The following KCNG3 variants were observed in gnomAD, a reference collection of about 807,000 sequenced individuals.
KCNG3 encodes the protein voltage-gated potassium channel regulatory subunit KCNG3.
Under a neutral mutation model 29.0 loss-of-function variants are expected in KCNG3, and 15 were observed. The ratio of observed to expected loss-of-function variants is 0.52; its 90% CI spans 0.35 to 0.80. KCNG3 has a LOEUF of 0.80. KCNG3 is among the 30% of genes least tolerant of loss of function. The pLI, the probability that KCNG3 is intolerant of heterozygous loss-of-function variation, is 0.01. For synonymous variants in KCNG3, 322 were observed against 248.9 expected, an observed-to-expected ratio of 1.29 and a Z score of -2.76; for missense variants, 512 against 605.7, an observed-to-expected ratio of 0.85 and a Z score of 1.62.
Position 42,448,552 on chromosome 2 carries a change from G to A in KCNG3, c.666-3973C>T, listed in dbSNP as rs573735526. Among the ~76,000 whole-genome samples the A allele has an allele frequency of 9.9e-5, 15 of 151,912 alleles. No homozygotes were observed. The South Asian group carries it at 2.1e-3, about 21-fold the overall frequency. The stretch of plus-strand genomic sequence containing the variant: ...GAACTTCACTCAGGTATATCTGATC[G>A]ATCCATTCTATCTTATACTATGCTA... On this transcript the variant is annotated intron_variant, in intron 1 of 1. Transcript: ENST00000306078.
intron 1 of KCNG3, among the ~76,000 whole-genome samples, chr2:42,446,977 C>CA (rs1051326057): frequency 6.0e-5 from 9 of 150,788 alleles, no homozygotes; most frequent in Non-Finnish European, 1.5e-5. Context: ...CTCCTCTCTA[C>CA]AAAAAATGAG....
intron 1 of KCNG3, 118 bp downstream of exon 1, chr2:42,492,719 G>GT: frequency 1.2e-6 from 1 of 835,924 alleles, no homozygotes; most frequent in Non-Finnish European, 1.5e-6. Flanking sequence ...GGCCTCGCTG[G>GT]GCGCGCACCC....
intron 1 of KCNG3, among the ~76,000 whole-genome samples, chr2:42,462,234 C>CA (rs377351916): frequency 8.5e-5 from 13 of 152,058 alleles, no homozygotes; most frequent in African/African-American, 2.9e-4. Flanking sequence ...AGTGCAAGGG[C>CA]AAAAAAGCAC....
the KCNG3 span, among the ~76,000 whole-genome samples, chr2:42,394,452 G>C: frequency 1.3e-5 from 2 of 152,108 alleles, no homozygotes; most frequent in Non-Finnish European, 2.9e-5. Flanking sequence ...ACTTAGCTCA[G>C]GCCTTCTCTA....
chr2:42,488,870 T>C (rs543163248), intron 1 of KCNG3, among the ~76,000 whole-genome samples: 1 of 150,722 alleles, frequency 6.6e-6, no homozygotes, highest in Non-Finnish European at 1.5e-5. Flanking sequence ...TTTTAAATTA[T>C]ACAATAGAAG....
chr2:42,444,413 T>C lies in KCNG3; in HGVS notation c.832A>G (p.Asn278Asp). The C allele has an allele frequency of 6.2e-7, 1 of 1,614,126 alleles. No individual in the cohort carries two copies. The highest frequency in any genetic ancestry group is 1.1e-5 in the South Asian group (1 of 91,056). Residue 278 changes from asparagine (N) to aspartate (D), a missense_variant, in exon 2 of 2, where the codon AAC (asparagine) becomes GAC (aspartate). This residue lies in a region of KCNG3 where 173 missense variants were observed against 262.4 expected (regional missense o/e 0.66). Coordinates refer to ENST00000306078, the MANE Select transcript of KCNG3 (RefSeq NM_133329.6). The surrounding 1 kb of genome is among the most constrained non-coding windows in gnomAD (Gnocchi z 5.8). ...SVLMTVFTGE[N>D]SQLQRAGVTL... ...ACTCCAGCCCTCTGGAGTTGAGAGT[T>C]CTCGCCTGTAAACACTGTCATCAAC...
intron 1 of KCNG3, among the ~76,000 whole-genome samples, chr2:42,459,969 C>G (rs972500569): frequency 4.6e-5 from 5 of 108,182 alleles, no homozygotes; most frequent in African/African-American, 1.7e-4. Flanking sequence ...GAGAGAGACT[C>G]CATCTCAAAA....
intron 1 of KCNG3, among the ~76,000 whole-genome samples, chr2:42,458,285 C>A (rs1391702255): frequency 6.6e-6 from 1 of 152,178 alleles, no homozygotes; most frequent in African/African-American, 2.4e-5. Flanking sequence ...TTCCTGCAAT[C>A]ACCTCCACCT....
chr2:42,482,733 C>CA (rs1054216851), intron 1 of KCNG3, among the ~76,000 whole-genome samples: 1 of 151,408 alleles, frequency 6.6e-6, no homozygotes, highest in African/African-American at 2.4e-5. Context: ...CACCTCAAAA[C>CA]AAAAACAAAA....
In KCNG3 at chr2:42,444,194, C is replaced by T. The variant is rs780745347; in HGVS notation, c.1051G>A (p.Glu351Lys). Residue 351 changes from glutamate (E) to lysine (K), a missense_variant, in exon 2 of 2, where the codon GAA becomes AAA. Glu to Lys is a moderately conservative substitution (Grantham distance 56). Around this residue, in one of 5 missense-constraint regions of KCNG3, gnomAD observed 173 missense variants for 262.4 expected, o/e 0.66. Coordinates refer to ENST00000306078, the MANE Select transcript of KCNG3 (RefSeq NM_133329.6). This position sits in a 1 kb window ranked among gnomAD's most constrained non-coding sequence, Gnocchi z 5.8. ...CTGGTAAAGTCCTTGTTGGATGTTT[C>T]CAGGTCCAGCCCATGTTCAAGAAGC... ...SQLLEHGLDLETSNKDFTSIP... is the reference protein window; with the variant it reads ...SQLLEHGLDLKTSNKDFTSIP... The T allele has an allele frequency of 6.2e-7, 1 of 1,614,130 alleles. No individual in the cohort carries two copies. The highest frequency in any genetic ancestry group is 8.5e-7 in the Non-Finnish European group (1 of 1,180,034).
At chr2:42,395,662 A>T in the KCNG3 span, among the ~76,000 whole-genome samples, 2 of 152,160 alleles carry the variant, frequency 1.3e-5, no homozygotes, top group African/African-American at 4.8e-5. Context: ...TGTAAATTGA[A>T]AATACATTTA....
In KCNG3 at chr2:42,477,459, G is replaced by C. The variant is rs1296789108; in HGVS notation, c.665+15378C>G. The stretch of plus-strand genomic sequence containing the variant: ...TTTTTTTTTTTTGAGACGGAGTCTT[G>C]CTCTGTCGCCCAGGCTGGAGTGCAG... On this transcript the variant is annotated intron_variant, in intron 1 of 1. Coordinates refer to ENST00000306078, the MANE Select transcript of KCNG3 (RefSeq NM_133329.6). Among the ~76,000 whole-genome samples, 38 of 110,842 alleles carry C rather than the reference G, an allele frequency of 3.4e-4. 1 individual carries two copies. In the East Asian group the frequency reaches 0.011, roughly 33 times the overall value. 72.7% of individuals were successfully genotyped at this position (110,842 alleles called of 152,430 possible). A position where few individuals can be genotyped will look rare whatever the true frequency, so the allele number is the denominator to read the frequency against.
At chr2:42,391,888 C>T in the KCNG3 span, among the ~76,000 whole-genome samples, 2 of 152,054 alleles carry the variant, frequency 1.3e-5, no homozygotes, top group African/African-American at 4.8e-5. Flanking sequence ...AGGCGTGAGC[C>T]ACCGCGCCCG....
chr2:42,487,691 G>A (rs1373390523), intron 1 of KCNG3, among the ~76,000 whole-genome samples: 1 of 152,132 alleles, frequency 6.6e-6, no homozygotes, highest in Non-Finnish European at 1.5e-5. Context: ...AATCTTTTTG[G>A]AGAGTAGTTT....
chr2:42,485,670 G>A (rs185598054), intron 1 of KCNG3, among the ~76,000 whole-genome samples: 2 of 152,158 alleles, frequency 1.3e-5, no homozygotes, highest in Non-Finnish European at 2.9e-5. Flanking sequence ...GGATGGTCTC[G>A]ATCTCCTGAC....
At chr2:42,390,865 C>A in the KCNG3 span, among the ~76,000 whole-genome samples, 4 of 152,302 alleles carry the variant, frequency 2.6e-5, no homozygotes, top group East Asian at 7.7e-4. Context: ...TTCATTTCCC[C>A]TCATTTTCTC....
the KCNG3 span, chr2:42,413,771 G>A: frequency 1.3e-5 from 2 of 152,430 alleles, no homozygotes; most frequent in Admixed American, 6.6e-5. Flanking sequence ...CTGCAAAAGT[G>A]GGGAAAGCCC....
At chr2:42,432,552 G>C in the KCNG3 span, among the ~76,000 whole-genome samples, 2 of 152,158 alleles carry the variant, frequency 1.3e-5, no homozygotes, top group Non-Finnish European at 2.9e-5. Context: ...ATTCTCCCAG[G>C]AACCTGAAAT....
the KCNG3 span, chr2:42,425,223 A>G: frequency 1.4e-5 from 2 of 147,736 alleles, no homozygotes; most frequent in Non-Finnish European, 3.0e-5. Flanking sequence ...CATGGCAAAA[A>G]CCCGACTCTA....
Sources: gnomAD v4.1 joint callset for allele counts (sites outside exome capture counted in the v4.1 genomes callset) on GRCh38, gnomAD v4.1.1 for gene constraint, gnomAD v4.1.1 regional missense constraint, Gnocchi (gnomAD v3.1) non-coding constraint, MANE v1.5 for transcripts, NCBI Gene and HGNC (gene_info 2026-07-23, HGNC 2026-07-21) for gene names.